Variants in ZDHHC1 observed in about 807,000 individuals in gnomAD.
ZDHHC1 encodes zDHHC palmitoyltransferase 1.
A neutral mutation model predicts 46.9 loss-of-function variants in ZDHHC1; 45 were observed. The observed-to-expected ratio is 0.96, with a 90% CI of 0.76 to 1.23. The LOEUF (loss-of-function observed/expected upper bound fraction) is 1.23. ZDHHC1 is among the 50% of genes most tolerant of loss of function. The probability of loss-of-function intolerance (pLI) is 0.00; values close to 1 mark genes in which losing one functional copy is unlikely to be tolerated. For missense variants in ZDHHC1, 649 were observed against 670.8 expected (o/e 0.97, Z 0.36); for synonymous variants, 291 against 286.0 (o/e 1.02, Z -0.18).
At chr16:67,394,957 C>T (rs762316374) in intron 11 of ZDHHC1, 45 bp downstream of exon 11, 8 of 1,575,732 alleles carry the variant, frequency 5.1e-6, no homozygotes, top group Non-Finnish European at 6.9e-6. Flanking sequence ...GCCTTCCCCT[C>T]CCTCGAGTTC....
At chr16:67,402,981 G>A (rs2040582221) in intron 3 of ZDHHC1, among the ~76,000 whole-genome samples, 1 of 152,194 alleles carries the variant, frequency 6.6e-6, no homozygotes, top group Non-Finnish European at 1.5e-5. Context: ...GAAAGTTCGT[G>A]GGACTATGCC....
At chr16:67,404,465 C>G in intron 3 of ZDHHC1, 1 of 323,516 alleles carries the variant, frequency 3.1e-6, no homozygotes, top group Non-Finnish European at 6.2e-6. Context: ...TACCTCACTT[C>G]TCAGGGGACC....
Position 67,398,929 on chromosome 16 carries a change from A to G in ZDHHC1, c.546T>C (p.Ser182=). 2 of 1,613,078 alleles carry G rather than the reference A, an allele frequency of 1.2e-6. No individual in the cohort carries two copies. The highest frequency in any genetic ancestry group is 1.7e-6 in the Non-Finnish European group (2 of 1,179,642). ...GERNYRLFLH[S]VASALLGVLL... ...GGACGCCCAGTAAAGCGGATGCAAC[A>G]CTGTGTAGAAAGAGCCTGGGCCCAG... The change falls in exon 6 of 12, where the codon AGT becomes AGC. Residue 182 remains serine (S), a synonymous_variant. Transcript: ENST00000565726.
intron 1 of ZDHHC1, among the ~76,000 whole-genome samples, chr16:67,413,843 G>A (rs547380100): frequency 5.9e-5 from 9 of 151,278 alleles, no homozygotes; most frequent in Admixed American, 2.6e-4. Context: ...GGAGGCTGAG[G>A]CAGAAGAATC....
rs1259086810 is a variant in ZDHHC1 at position 67,401,026 on chromosome 16, G to T, written c.359C>A (p.Pro120His). 2.5e-6 allele frequency: 4 copies of T among 1,614,140 alleles called. No homozygotes were observed. The Admixed American group carries it at 6.7e-5, about 27-fold the overall frequency. Reference sequence around the variant, plus strand: ...TGCGTGCTGGCTTCGGTTGAAGATGGGCAGGGGCCCCGCATAGCTCTTGTC... The same window carrying T: ...TGCGTGCTGGCTTCGGTTGAAGATGTGCAGGGGCCCCGCATAGCTCTTGTC... ...VRDKSYAGPLPIFNRSQHAHV... is the reference protein window; with the variant it reads ...VRDKSYAGPLHIFNRSQHAHV... The change falls in exon 4 of 12, where the codon CCC (proline) becomes CAC (histidine). Residue 120 changes from proline to histidine, a missense_variant. Physicochemically the swap from Pro to His is moderately conservative, Grantham distance 77 (BLOSUM62 -2). Coordinates refer to ENST00000565726, the MANE Select transcript of ZDHHC1 (RefSeq NM_001323627.2). This position sits in a 1 kb window ranked among gnomAD's most constrained non-coding sequence, Gnocchi z 4.6.
At chr16:67,402,252 A>G (rs1290275520) in intron 3 of ZDHHC1, among the ~76,000 whole-genome samples, 1 of 152,176 alleles carries the variant, frequency 6.6e-6, no homozygotes, top group Non-Finnish European at 1.5e-5. Flanking sequence ...CCTTGAGTCT[A>G]TGCTTCACAT....
chr16:67,405,783 T>C (rs903726465), intron 3 of ZDHHC1, among the ~76,000 whole-genome samples: 1 of 152,196 alleles, frequency 6.6e-6, no homozygotes, highest in East Asian at 1.9e-4. Flanking sequence ...GGACACTTAT[T>C]ATGTAAAAGA....
chr16:67,413,631 A>G (rs1165280759), intron 1 of ZDHHC1, among the ~76,000 whole-genome samples: 1 of 152,146 alleles, frequency 6.6e-6, no homozygotes, highest in Non-Finnish European at 1.5e-5. Context: ...TTTCTCTCTC[A>G]TAAACAACAG....
intron 3 of ZDHHC1, among the ~76,000 whole-genome samples, chr16:67,403,370 T>C (rs894567146): frequency 6.6e-6 from 1 of 152,224 alleles, no homozygotes; most frequent in Non-Finnish European, 1.5e-5. Context: ...TTTTCTTTGT[T>C]AACTATCCTT....
rs1641503163 is a variant in ZDHHC1, at chr16:67,401,959, CCAGG to C, written c.253-831_253-828del. On this transcript the variant is annotated intron_variant, in intron 3 of 11. Transcript: ENST00000565726. This position sits in a 1 kb window ranked among gnomAD's most constrained non-coding sequence, Gnocchi z 4.6. ...AAAATTCCACTGGTCCTCTTGCTAG[CCAGG>C]CAGACATCATCCCTCCATCATTCAT... is the stretch of plus-strand genomic sequence containing the variant. 6.6e-6 allele frequency among the ~76,000 whole-genome samples: 1 copy of C among 152,320 alleles called. No homozygotes were observed. The highest frequency in any genetic ancestry group is 6.5e-5 in the Admixed American group (1 of 15,298).
intron 4 of ZDHHC1, 24 bp downstream of exon 4, chr16:67,400,933 C>A: frequency 6.2e-7 from 1 of 1,608,952 alleles, no homozygotes. Context: ...CACTCGGCAG[C>A]CACAAGCACC....
intron 4 of ZDHHC1, among the ~76,000 whole-genome samples, 162 bp from the exon 5 acceptor site, chr16:67,399,618 CG>C (rs1471608122): frequency 6.6e-6 from 1 of 152,132 alleles, no homozygotes; most frequent in Admixed American, 6.5e-5. Context: ...GCAGGCGCTG[CG>C]GGGTGGGTCC....
intron 1 of ZDHHC1, among the ~76,000 whole-genome samples, chr16:67,415,089 T>G (rs1181326320): frequency 1.3e-5 from 2 of 151,862 alleles, no homozygotes; most frequent in Non-Finnish European, 2.9e-5. Context: ...GAGCCGAGAT[T>G]GTGCCATTGC....
chr16:67,406,374 C>T lies in ZDHHC1; in HGVS notation c.78G>A (p.Gln26=). ...GCAGCTCAGGGGAGGGTCCGCTGGG[C>T]TGTGCCGGTGCCGTCCACACACTCT... is the stretch of plus-strand genomic sequence containing the variant. The part of the protein sequence containing the change: ...PEKSVWTAPA[Q]PSGPSPELQG... Residue 26 remains glutamine, a synonymous_variant, in exon 3 of 12, where the codon CAG becomes CAA. Coordinates refer to ENST00000565726, the MANE Select transcript of ZDHHC1 (RefSeq NM_001323627.2). This position sits in a 1 kb window ranked among gnomAD's most constrained non-coding sequence, Gnocchi z 4.1. The T allele has an allele frequency of 5.1e-6, 8 of 1,581,348 alleles. No individual in the cohort carries two copies. The highest frequency in any genetic ancestry group is 6.9e-6 in the Non-Finnish European group (8 of 1,163,542).
Position 67,406,806 on chromosome 16 carries a change from T to C in ZDHHC1, c.10-364A>G, listed in dbSNP as rs2142252487. ...CAATATCAGGCTGGGGCCAGAGTGA[T>C]GAGAACACATGCTGATTCTGTTAGG... On this transcript the variant is annotated intron_variant, in intron 2 of 11. Transcript: ENST00000565726. This position sits in a 1 kb window ranked among gnomAD's most constrained non-coding sequence, Gnocchi z 4.1. Among the ~76,000 whole-genome samples, 1 of 152,326 alleles carries C rather than the reference T, an allele frequency of 6.6e-6. No individual in the cohort carries two copies.
At position 67,394,840 on chromosome 16, in the gene ZDHHC1, T is replaced by TTAAAAA; in HGVS notation, c.1218_1219insTTTTTA (p.Ala406_Ser407insPheLeu). On this transcript the variant is annotated inframe_insertion, in exon 12 of 12. Transcript: ENST00000565726. ...GCAGGGCCAGCGGCGTGCACAGGGC[T>TTAAAAA]GGCGTCCGCGGAATCCGTCGACGAG... 1 of 1,551,274 alleles carries TTAAAAA rather than the reference T, an allele frequency of 6.4e-7. No homozygotes were observed. Among genetic ancestry groups the TTAAAAA allele is most frequent in the Non-Finnish European group, 8.7e-7 (1 of 1,151,708 alleles).
rs1284042377 is a variant in ZDHHC1, at chr16:67,407,784, C to T, written c.-9G>A. On this transcript the variant is annotated 5_prime_UTR_variant, in exon 2 of 12. Coordinates refer to ENST00000565726, the MANE Select transcript of ZDHHC1 (RefSeq NM_001323627.2). The stretch of plus-strand genomic sequence containing the variant: ...AATTGTACCTTGTACATAGTAGATC[C>T]TCAGTAAATGTTTGCTGACTTGAAA... 3 of 780,826 alleles carry T rather than the reference C, an allele frequency of 3.8e-6. No individual in the cohort carries two copies. Among genetic ancestry groups the T allele is most frequent in the Non-Finnish European group, 2.4e-6 (1 of 418,070 alleles). The allele number at this position is 780,826 out of a possible 1,614,324, so 48.4% of individuals were successfully genotyped here.
chr16:67,399,527 G>C (rs903436244), intron 4 of ZDHHC1, 71 bp from the exon 5 acceptor site: 16 of 1,326,112 alleles, frequency 1.2e-5, no homozygotes, highest in Non-Finnish European at 1.2e-5. Context: ...GGTCGGGGTG[G>C]TTGAGTGGGG....
rs1359869538 is a variant in ZDHHC1 at position 67,401,393 on chromosome 16, G to A, written c.253-261C>T. 6.6e-6 allele frequency among the ~76,000 whole-genome samples: 1 copy of A among 152,226 alleles called. No homozygotes were observed. Among genetic ancestry groups the A allele is most frequent in the Non-Finnish European group, 1.5e-5 (1 of 68,038 alleles). ...CAGTGCCTGCTGTCGCCACCTAGGT[G>A]CCCAATCGCAGGGTCCTGGCCTCAC... On this transcript the variant is annotated intron_variant, in intron 3 of 11. Transcript: ENST00000565726. This position sits in a 1 kb window ranked among gnomAD's most constrained non-coding sequence, Gnocchi z 4.6.
Sources: allele counts gnomAD v4.1 joint callset (sites outside exome capture counted in the v4.1 genomes callset), GRCh38; gene constraint gnomAD v4.1.1; non-coding constraint Gnocchi (gnomAD v3.1); transcripts MANE v1.5; gene names NCBI Gene and HGNC (gene_info 2026-07-23, HGNC 2026-07-21).